Variants in MACROD2 observed in about 807,000 individuals in gnomAD.
MACROD2 encodes mono-ADP ribosylhydrolase 2.
In MACROD2, 36 loss-of-function variants were observed where a neutral mutation model predicts 70.4. The ratio of observed to expected loss-of-function variants is 0.51; its 90% CI spans 0.39 to 0.68. The LOEUF (loss-of-function observed/expected upper bound fraction) is 0.68, where lower values mean the gene tolerates loss of function less well. MACROD2 is among the 30% of genes least tolerant of loss of function. The pLI is 0.00. For missense variants in MACROD2, 496 were observed against 538.4 expected (o/e 0.92, Z 0.78); for synonymous variants, 172 against 178.8 (o/e 0.96, Z 0.30).
At chr20:15,741,779 C>T (rs1354781494) in intron 8 of MACROD2, among the ~76,000 whole-genome samples, 1 of 152,056 alleles carries the variant, frequency 6.6e-6, no homozygotes, top group Non-Finnish European at 1.5e-5. Context: ...TAGTCTGACT[C>T]ACTCCTCCCC....
intron 5 of MACROD2, chr20:14,757,473 C>T: frequency 2.0e-6 from 1 of 496,334 alleles, no homozygotes; most frequent in Non-Finnish European, 3.6e-6. Context: ...CGTTATTTTT[C>T]TTAGGTAGGC....
chr20:14,240,266 G>T (rs887320774), intron 3 of MACROD2, among the ~76,000 whole-genome samples: 2 of 152,214 alleles, frequency 1.3e-5, no homozygotes, highest in South Asian at 2.1e-4. Flanking sequence ...CAGCCATTGT[G>T]AAAAGCAGTT....
At chr20:15,835,275 A>G (rs2064101371) in intron 8 of MACROD2, among the ~76,000 whole-genome samples, 1 of 151,968 alleles carries the variant, frequency 6.6e-6, no homozygotes, top group Admixed American at 6.6e-5. Flanking sequence ...GTAATTACTT[A>G]TTGAAATTAT....
chr20:14,708,706 C>A (rs1389124950), intron 5 of MACROD2, among the ~76,000 whole-genome samples: 2 of 152,188 alleles, frequency 1.3e-5, no homozygotes, highest in East Asian at 3.9e-4. Context: ...CAACCTCCCC[C>A]TCCCACGTTC....
rs926134664 is a variant in MACROD2, at chr20:14,011,495, A to G, written c.163+9091A>G. Among the ~76,000 whole-genome samples, 3 of 151,912 alleles carry G rather than the reference A, an allele frequency of 2.0e-5. 1 individual carries two copies. The South Asian group carries it at 6.2e-4, about 32-fold the overall frequency. ...AGAATAGAGCACTTTTGTCTGCGTTAAAAAGCCTGTTCAAGTAGATATTCT... is the reference window on the plus strand; with the variant it reads ...AGAATAGAGCACTTTTGTCTGCGTTGAAAAGCCTGTTCAAGTAGATATTCT... On this transcript the variant is annotated intron_variant, in intron 2 of 17. Transcript: ENST00000684519.
At chr20:14,823,508 A>T (rs1241566896) in intron 5 of MACROD2, among the ~76,000 whole-genome samples, 1 of 152,144 alleles carries the variant, frequency 6.6e-6, no homozygotes, top group South Asian at 2.1e-4. Flanking sequence ...TCCTTAGCAC[A>T]CTCAAGGTTG....
intron 8 of MACROD2, among the ~76,000 whole-genome samples, chr20:15,616,554 C>T (rs1250510968): frequency 6.6e-6 from 1 of 152,164 alleles, no homozygotes; most frequent in East Asian, 1.9e-4. Flanking sequence ...CCTCAGCAGG[C>T]CTGTTACTCT....
intron 13 of MACROD2, among the ~76,000 whole-genome samples, chr20:15,986,257 C>G (rs1402867843): frequency 2.0e-5 from 3 of 152,100 alleles, no homozygotes; most frequent in Non-Finnish European, 4.4e-5. Flanking sequence ...GAGCTGTTAT[C>G]CCCCCAGTTC....
chr20:14,006,347 T>C (rs1411850987), intron 2 of MACROD2, among the ~76,000 whole-genome samples: 1 of 152,266 alleles, frequency 6.6e-6, no homozygotes, highest in Non-Finnish European at 1.5e-5. Flanking sequence ...CGGCCAATTT[T>C]ATTTCATCTA....
chr20:14,964,974 T>C (rs371299853), intron 5 of MACROD2, among the ~76,000 whole-genome samples: 1 of 152,174 alleles, frequency 6.6e-6, no homozygotes, highest in Non-Finnish European at 1.5e-5. Context: ...TTGTTAAGTA[T>C]TGAGGGATAT....
chr20:16,023,349 C>G (rs1230040271), intron 15 of MACROD2, among the ~76,000 whole-genome samples: 1 of 151,844 alleles, frequency 6.6e-6, no homozygotes, highest in Non-Finnish European at 1.5e-5. Flanking sequence ...GTGGCGGGCT[C>G]CTGTAGTCCC....
chr20:15,070,201 C>T (rs1365643412), intron 5 of MACROD2, among the ~76,000 whole-genome samples: 1 of 152,150 alleles, frequency 6.6e-6, no homozygotes, highest in African/African-American at 2.4e-5. Context: ...TGGCTGATTC[C>T]TCCCTGTAGT....
Position 14,917,416 on chromosome 20 carries a change from C to T in MACROD2, c.418+232457C>T, listed in dbSNP as rs1042640645. Among the ~76,000 whole-genome samples the T allele has an allele frequency of 1.1e-4, 17 of 152,122 alleles. No individual in the cohort carries two copies. The East Asian group carries it at 3.3e-3, about 29-fold the overall frequency. On this transcript the variant is annotated intron_variant, in intron 5 of 17. Coordinates refer to ENST00000684519, the MANE Select transcript of MACROD2 (RefSeq NM_001351661.2). ...ATAGGAAGAAGTTCTATGGTTCCTC[C>T]TTATTGCCTTCTTGGTGGGCATCCC...
intron 5 of MACROD2, among the ~76,000 whole-genome samples, chr20:14,712,518 T>C (rs1212631843): frequency 6.6e-6 from 1 of 152,320 alleles, no homozygotes; most frequent in South Asian, 2.1e-4. Context: ...GAATAGTCAC[T>C]GTTGAGACAT....
intron 2 of MACROD2, among the ~76,000 whole-genome samples, chr20:14,010,214 A>G (rs1050966065): frequency 2.6e-5 from 4 of 152,208 alleles, no homozygotes; most frequent in African/African-American, 9.6e-5. Context: ...TGTATTACAT[A>G]CTATAATAAA....
intron 10 of MACROD2, among the ~76,000 whole-genome samples, chr20:15,923,540 T>C (rs900690587): frequency 6.6e-6 from 1 of 152,144 alleles, no homozygotes; most frequent in African/African-American, 2.4e-5. Flanking sequence ...GCCACACTCA[T>C]AGCAGCAGCA....
At chr20:15,879,702 A>G (rs985575543) in intron 9 of MACROD2, among the ~76,000 whole-genome samples, 2 of 152,158 alleles carry the variant, frequency 1.3e-5, no homozygotes, top group African/African-American at 4.8e-5. Context: ...AAATGAACAT[A>G]TATTAAAATA....
At chr20:14,724,188 T>G (rs566620917) in intron 5 of MACROD2, among the ~76,000 whole-genome samples, 1 of 152,288 alleles carries the variant, frequency 6.6e-6, no homozygotes, top group Admixed American at 6.5e-5. Flanking sequence ...AGGTGTTTTT[T>G]TTTCCCACTC....
chr20:15,141,879 G>T (rs1412219658), intron 5 of MACROD2, among the ~76,000 whole-genome samples: 1 of 152,042 alleles, frequency 6.6e-6, no homozygotes, highest in East Asian at 1.9e-4. Flanking sequence ...CCTCCCTTTT[G>T]CATCATCTCT....
Sources: gnomAD v4.1 joint callset for allele counts (sites outside exome capture counted in the v4.1 genomes callset) on GRCh38, gnomAD v4.1.1 for gene constraint, MANE v1.5 for transcripts, NCBI Gene and HGNC (gene_info 2026-07-23, HGNC 2026-07-21) for gene names.